LTA: variants seen among roughly 807,000 people sequenced by gnomAD.
LTA encodes lymphotoxin-alpha.
A neutral mutation model predicts 15.1 loss-of-function variants in LTA; 6 were observed. The ratio of observed to expected loss-of-function variants is 0.40; its 90% confidence interval spans 0.22 to 0.78. LTA has a LOEUF of 0.78. LTA is among the 30% of genes least tolerant of loss of function. LTA has a pLI of 0.38. For synonymous variants in LTA, 87 were observed against 107.3 expected, an observed-to-expected ratio of 0.81 and a Z score of 1.17; for missense variants, 173 against 249.5, an observed-to-expected ratio of 0.69 and a Z score of 2.06.
At position 31,573,996 on chromosome 6, in the gene LTA, AG is replaced by A. The variant is rs1332929993; in HGVS notation, c.*305del. ...AGGTGGGGCCTAGATCCACACACAG[AG>A]GAAGAGCAGGCACATGGAGGAGCTT... On this transcript the variant is annotated 3_prime_UTR_variant, in exon 4 of 4. Coordinates refer to ENST00000418386, the MANE Select transcript of LTA (RefSeq NM_000595.4). 6 of 567,878 alleles carry A rather than the reference AG, an allele frequency of 1.1e-5. No homozygotes were observed. Among genetic ancestry groups the A allele is most frequent in the African/African-American group, 1.9e-5 (1 of 53,518 alleles). 35.2% of individuals were successfully genotyped at this position (567,878 alleles called of 1,614,324 possible).
upstream of LTA, among the ~76,000 whole-genome samples, chr6:31,567,887 G>A (rs1207409140): frequency 6.6e-6 from 1 of 151,924 alleles, no homozygotes; most frequent in Non-Finnish European, 1.5e-5. Flanking sequence ...GCTTGGTTCC[G>A]CCTTCCAGCC....
rs1307528935 is a variant in LTA at position 31,572,388 on chromosome 6, G to T, written c.-68G>T. 11 of 431,510 alleles carry T rather than the reference G, an allele frequency of 2.5e-5. No homozygotes were observed. The highest frequency in any genetic ancestry group is 4.2e-5 in the Non-Finnish European group (10 of 238,816). 26.7% of individuals were successfully genotyped at this position (431,510 alleles called of 1,614,324 possible). On this transcript the variant is annotated 5_prime_UTR_variant, in exon 1 of 4. Coordinates refer to ENST00000418386, the MANE Select transcript of LTA (RefSeq NM_000595.4). ...CAGCAGTGTCCTGCCCTCTGCCTGG[G>T]CCTCGGTCCCTCCTGCACCTGCTGC...
chr6:31,572,610 C>A, intron 1 of LTA, 124 bp from the exon 2 acceptor site: 1 of 653,566 alleles, frequency 1.5e-6, no homozygotes, highest in South Asian at 1.7e-5. Context: ...TGCATCTTGT[C>A]CCCTTCTCTG....
upstream of LTA, among the ~76,000 whole-genome samples, chr6:31,571,889 G>A (rs938494747): frequency 1.3e-5 from 2 of 150,562 alleles, no homozygotes; most frequent in African/African-American, 4.8e-5. Context: ...AGAAGGAAAT[G>A]GGCAAAGAGA....
At chr6:31,564,993 TAATA>T in the LTA span, among the ~76,000 whole-genome samples, 1 of 152,138 alleles carries the variant, frequency 6.6e-6, no homozygotes, top group Non-Finnish European at 1.5e-5. Flanking sequence ...GTTAAGAGCA[TAATA>T]AATATTTTGA....
Position 31,573,809 on chromosome 6 carries a change from C to A in LTA, c.*116C>A. 8.3e-7 allele frequency: 1 copy of A among 1,208,494 alleles called. No individual in the cohort carries two copies. The highest frequency in any genetic ancestry group is 1.2e-6 in the Non-Finnish European group (1 of 831,932). 74.9% of individuals were successfully genotyped at this position (1,208,494 alleles called of 1,614,324 possible). ...ACCTCTCCTTTGGCCATTCCAACAG[C>A]TCAAGTCTTCCCTGATCAAGTCACC... On this transcript the variant is annotated 3_prime_UTR_variant, in exon 4 of 4. Transcript: ENST00000418386.
chr6:31,572,724 T>TA lies in LTA; in HGVS notation c.-9-10_-9-9insA. 1 of 1,544,860 alleles carries TA rather than the reference T, an allele frequency of 6.5e-7. No individual in the cohort carries two copies. Among genetic ancestry groups the TA allele is most frequent in the Non-Finnish European group, 8.8e-7 (1 of 1,130,462 alleles). ...TCACTGTCTCTCTCTCTCTCTCTCT[T>TA]TCTCTGCAGGTTCTCCCCATGACAC... On this transcript the variant is annotated splice_polypyrimidine_tract_variant and intron_variant, in intron 1 of 3. Coordinates refer to ENST00000418386, the MANE Select transcript of LTA (RefSeq NM_000595.4).
chr6:31,565,982 A>C, the LTA span, among the ~76,000 whole-genome samples: 2 of 152,118 alleles, frequency 1.3e-5, no homozygotes, highest in South Asian at 4.1e-4. Flanking sequence ...GTTCAAGACC[A>C]GCCTGCCCAA....
At chr6:31,563,090 G>A in the LTA span, among the ~76,000 whole-genome samples, 3 of 151,898 alleles carry the variant, frequency 2.0e-5, no homozygotes, top group Non-Finnish European at 2.9e-5. Context: ...AACCCGAGAG[G>A]TAGAGGTTGC....
chr6:31,561,507 A>G, the LTA span, among the ~76,000 whole-genome samples: 4 of 152,082 alleles, frequency 2.6e-5, no homozygotes, highest in African/African-American at 9.7e-5. Flanking sequence ...CCTGGCCAAC[A>G]TGGTGAAACC....
At chr6:31,564,183 G>T in the LTA span, among the ~76,000 whole-genome samples, 1 of 152,208 alleles carries the variant, frequency 6.6e-6, no homozygotes. Flanking sequence ...AAATGGAGGA[G>T]GGAAGAAGAG....
At chr6:31,570,089 C>T (rs1243402900), upstream of LTA, among the ~76,000 whole-genome samples, 1 of 152,158 alleles carries the variant, frequency 6.6e-6, no homozygotes, top group Non-Finnish European at 1.5e-5. Context: ...TGAAGGCTCC[C>T]ATGTCACCTA....
chr6:31,572,674 T>G, intron 1 of LTA, 60 bp from the exon 2 acceptor site: 2 of 1,278,224 alleles, frequency 1.6e-6, no homozygotes, highest in Non-Finnish European at 2.2e-6. Flanking sequence ...GGGAGGTCTG[T>G]CTTCCGCCGC....
At chr6:31,561,575 C>T in the LTA span, among the ~76,000 whole-genome samples, 1 of 151,930 alleles carries the variant, frequency 6.6e-6, no homozygotes, top group African/African-American at 2.4e-5. Flanking sequence ...CCTGTAATCC[C>T]AGCTACTCAG....
chr6:31,563,594 G>T, the LTA span, among the ~76,000 whole-genome samples: 4 of 152,124 alleles, frequency 2.6e-5, no homozygotes, highest in Non-Finnish European at 5.9e-5. Flanking sequence ...CCCCAAGAAT[G>T]AGACCACTTA....
At chr6:31,568,837 A>G (rs1440650643), upstream of LTA, among the ~76,000 whole-genome samples, 3 of 152,134 alleles carry the variant, frequency 2.0e-5, no homozygotes, top group African/African-American at 7.2e-5. The surrounding 1 kb of genome is among the most constrained non-coding windows in gnomAD (Gnocchi z 4.1). Flanking sequence ...ACTGAGCCTC[A>G]GCCCAGTCTT....
chr6:31,567,052 T>G, the LTA span, among the ~76,000 whole-genome samples: 1 of 151,750 alleles, frequency 6.6e-6, no homozygotes, highest in Admixed American at 6.6e-5. Flanking sequence ...TCCCAAAACT[T>G]TGGGAGGCTG....
the LTA span, among the ~76,000 whole-genome samples, chr6:31,562,615 A>G: frequency 6.6e-6 from 1 of 152,000 alleles, no homozygotes; most frequent in Non-Finnish European, 1.5e-5. Context: ...CTGTAATCCC[A>G]GCACTGTGGG....
chr6:31,566,071 G>C, the LTA span, among the ~76,000 whole-genome samples: 1 of 151,936 alleles, frequency 6.6e-6, no homozygotes, highest in Non-Finnish European at 1.5e-5. Flanking sequence ...CCAGCTACTC[G>C]GGGGGCCGAG....
Sources: gnomAD v4.1 joint callset for allele counts (sites outside exome capture counted in the v4.1 genomes callset) on GRCh38, gnomAD v4.1.1 for gene constraint, Gnocchi (gnomAD v3.1) non-coding constraint, MANE v1.5 for transcripts, NCBI Gene and HGNC (gene_info 2026-07-23, HGNC 2026-07-21) for gene names.